HECW2: variants seen among roughly 807,000 people sequenced by gnomAD.
HECW2 encodes HECT, C2 and WW domain containing E3 ubiquitin protein ligase 2.
In HECW2, 61 loss-of-function variants were observed where a neutral mutation model predicts 175.2. The observed-to-expected ratio is 0.35, with a 90% CI of 0.28 to 0.43. The LOEUF (loss-of-function observed/expected upper bound fraction) is 0.43, where lower values mean the gene tolerates loss of function less well. Among genes scored for constraint, HECW2 ranks in the 20% least tolerant of loss-of-function variants. The pLI, the probability that HECW2 is intolerant of heterozygous loss-of-function variation, is 1.00. For missense variants in HECW2, 1,524 were observed against 2,000.5 expected (o/e 0.76, Z 4.54); for synonymous variants, 671 against 731.0 (o/e 0.92, Z 1.32).
intron 1 of HECW2, among the ~76,000 whole-genome samples, chr2:196,578,248 T>C (rs1373474685): frequency 2.0e-5 from 3 of 152,070 alleles, no homozygotes; most frequent in Non-Finnish European, 2.9e-5. Context: ...AGGGGTTCAA[T>C]AGTAGATTTG....
At chr2:196,317,075 T>C in intron 10 of HECW2, 199 bp downstream of exon 10, 1 of 514,442 alleles carries the variant, frequency 1.9e-6, no homozygotes, top group Non-Finnish European at 3.5e-6. Context: ...ACAGCTGCCC[T>C]TTCTTTCAGC....
intron 2 of HECW2, among the ~76,000 whole-genome samples, chr2:196,426,767 G>A (rs1241554297): frequency 1.3e-5 from 2 of 152,102 alleles, no homozygotes; most frequent in African/African-American, 4.8e-5. Context: ...CCCCCAACAA[G>A]CTGTAGGGTA....
intron 2 of HECW2, among the ~76,000 whole-genome samples, chr2:196,388,344 A>C (rs2125175581): frequency 6.6e-6 from 1 of 152,254 alleles, no homozygotes; most frequent in East Asian, 1.9e-4. Flanking sequence ...TCATTTCTAG[A>C]GATTTTTGTT....
At chr2:196,473,891 C>G (rs894117683) in intron 1 of HECW2, among the ~76,000 whole-genome samples, 2 of 152,198 alleles carry the variant, frequency 1.3e-5, no homozygotes, top group Non-Finnish European at 2.9e-5. Context: ...TTGGAACAGG[C>G]AGGACATATT....
intron 28 of HECW2, among the ~76,000 whole-genome samples, chr2:196,213,353 CA>C (rs1687358250): frequency 6.6e-6 from 1 of 152,150 alleles, no homozygotes; most frequent in South Asian, 2.1e-4. Flanking sequence ...TTACAATTGT[CA>C]AAAATACTCT....
chr2:196,372,442 G>C (rs1693933638), intron 2 of HECW2, among the ~76,000 whole-genome samples: 1 of 152,146 alleles, frequency 6.6e-6, no homozygotes, highest in Admixed American at 6.5e-5. Flanking sequence ...GTCCCCTACA[G>C]TTTCTACTTT....
intron 2 of HECW2, among the ~76,000 whole-genome samples, chr2:196,387,485 T>C (rs1028618790): frequency 6.6e-6 from 1 of 152,200 alleles, no homozygotes; most frequent in Non-Finnish European, 1.5e-5. Flanking sequence ...ACACCGAATC[T>C]GCTGGCACCT....
intron 2 of HECW2, among the ~76,000 whole-genome samples, chr2:196,413,115 G>A (rs960567105): frequency 1.3e-5 from 2 of 152,322 alleles, no homozygotes; most frequent in Non-Finnish European, 1.5e-5. Flanking sequence ...CAGTTTGGGA[G>A]GCCCAGGCTG....
intron 1 of HECW2, among the ~76,000 whole-genome samples, chr2:196,528,903 T>C (rs983530321): frequency 3.9e-5 from 6 of 152,236 alleles, no homozygotes; most frequent in Admixed American, 1.3e-4. Context: ...TCTACATTAG[T>C]GAAATGCTCC....
chr2:196,593,421 C>G (rs938921557), intron 1 of HECW2, 87 bp downstream of exon 1: 5 of 152,142 alleles, frequency 3.3e-5, no homozygotes, highest in East Asian at 1.9e-4. Flanking sequence ...CGCTCCCTGC[C>G]GCCACCTTCC....
At chr2:196,300,219 T>C (rs1041197350) in intron 13 of HECW2, among the ~76,000 whole-genome samples, 6 of 152,194 alleles carry the variant, frequency 3.9e-5, no homozygotes, top group Admixed American at 6.5e-5. Context: ...TCTGTGTTTG[T>C]AAACAAAGCT....
chr2:196,324,837 T>C (rs1405040667), intron 6 of HECW2, 143 bp downstream of exon 6: 3 of 545,826 alleles, frequency 5.5e-6, no homozygotes, highest in African/African-American at 3.8e-5. Flanking sequence ...GAGATGGGAA[T>C]AGCTCATTCT....
At chr2:196,440,309 G>C (rs1405616878) in intron 1 of HECW2, among the ~76,000 whole-genome samples, 1 of 152,080 alleles carries the variant, frequency 6.6e-6, no homozygotes, top group Non-Finnish European at 1.5e-5. Flanking sequence ...CATAACTTAG[G>C]CCAACTGGAA....
rs1559424447 is a variant in HECW2, at chr2:196,194,881, C to T, written c.*6396G>A. 1.3e-5 allele frequency: 2 copies of T among 152,146 alleles called. No homozygotes were observed. Among genetic ancestry groups the T allele is most frequent in the African/African-American group, 4.8e-5 (2 of 41,430 alleles). 9.4% of individuals were successfully genotyped at this position (152,146 alleles called of 1,614,324 possible). A position where few individuals can be genotyped will look rare whatever the true frequency, so the allele number is the denominator to read the frequency against. ...GAAATTAAAAGCTTAAAAAAATACA[C>T]CACCTGTGTTCTACTGAAATCTTAG... On this transcript the variant is annotated 3_prime_UTR_variant, in exon 29 of 29. Coordinates refer to ENST00000644978, the MANE Select transcript of HECW2 (RefSeq NM_001348768.2).
At position 196,201,133 on chromosome 2, in the gene HECW2, ACAG is replaced by A; in HGVS notation, c.*141_*143del. 1 of 634,474 alleles carries A rather than the reference ACAG, an allele frequency of 1.6e-6. No homozygotes were observed. Among genetic ancestry groups the A allele is most frequent in the Non-Finnish European group, 2.9e-6 (1 of 346,262 alleles). The allele number at this position is 634,474 out of a possible 1,614,324, so 39.3% of individuals were successfully genotyped here. On this transcript the variant is annotated 3_prime_UTR_variant, in exon 29 of 29. Transcript: ENST00000644978. ...GACTCATCTCCAGTCCCCAAATGTG[ACAG>A]AGCACTTGTTCCTGGAAAACAACAG...
At chr2:196,431,143 T>C (rs1164537959) in intron 2 of HECW2, among the ~76,000 whole-genome samples, 4 of 152,210 alleles carry the variant, frequency 2.6e-5, no homozygotes, top group Admixed American at 2.6e-4. Context: ...TGAAGAGTTA[T>C]CATTTTTCAA....
At chr2:196,295,606 T>A in intron 13 of HECW2, among the ~76,000 whole-genome samples, 1 of 152,232 alleles carries the variant, frequency 6.6e-6, no homozygotes, top group Middle Eastern at 3.2e-3. Flanking sequence ...TACCTCTTTA[T>A]CGCCTTCACT....
intron 13 of HECW2, among the ~76,000 whole-genome samples, chr2:196,303,371 T>C (rs1311042680): frequency 2.6e-5 from 4 of 152,246 alleles, no homozygotes; most frequent in Non-Finnish European, 4.4e-5. Context: ...AAGTTTTCTT[T>C]TTCTGTTATA....
chr2:196,411,695 A>G (rs967693153), intron 2 of HECW2, among the ~76,000 whole-genome samples: 1 of 152,204 alleles, frequency 6.6e-6, no homozygotes, highest in Non-Finnish European at 1.5e-5. Flanking sequence ...TTAATTAGAA[A>G]CTTGGAGTGA....
Sources: gnomAD v4.1 joint callset for allele counts (sites outside exome capture counted in the v4.1 genomes callset) on GRCh38, gnomAD v4.1.1 for gene constraint, MANE v1.5 for transcripts, NCBI Gene and HGNC (gene_info 2026-07-23, HGNC 2026-07-21) for gene names.